Variants in TRIM37 observed in about 807,000 individuals in gnomAD.
TRIM37 encodes the protein E3 ubiquitin-protein ligase TRIM37.
TRIM37 carries 80 observed loss-of-function variants against 129.8 expected under a neutral mutation model. That is an observed-to-expected ratio of 0.62 (90% CI 0.51 to 0.74). The LOEUF (loss-of-function observed/expected upper bound fraction) is 0.74. TRIM37 is among the 30% of genes least tolerant of loss of function. The pLI is 0.00. For missense variants in TRIM37, 1,054 were observed against 1,176.5 expected (o/e 0.90, Z 1.52); for synonymous variants, 389 against 387.1 (o/e 1.00, Z -0.06).
intron 17 of TRIM37, among the ~76,000 whole-genome samples, chr17:59,038,899 T>C (rs1168501156): frequency 6.6e-6 from 1 of 152,180 alleles, no homozygotes; most frequent in African/African-American, 2.4e-5. Context: ...TGCAGCTTAC[T>C]GACTGCCAGA....
chr17:59,054,224 C>A (rs745569525), intron 13 of TRIM37, among the ~76,000 whole-genome samples: 1 of 152,126 alleles, frequency 6.6e-6, no homozygotes, highest in Non-Finnish European at 1.5e-5. Context: ...ATATTTTAAT[C>A]TTTTTTAAAT....
At chr17:59,004,862 G>A (rs1453971397) in intron 22 of TRIM37, among the ~76,000 whole-genome samples, 1 of 152,176 alleles carries the variant, frequency 6.6e-6, no homozygotes, top group East Asian at 1.9e-4. Flanking sequence ...TTTTTAAGAA[G>A]AGTTTGGTTA....
intron 16 of TRIM37, among the ~76,000 whole-genome samples, chr17:59,044,771 T>A (rs990642482): frequency 6.6e-6 from 1 of 152,168 alleles, no homozygotes; most frequent in African/African-American, 2.4e-5. Flanking sequence ...ATAAGATACT[T>A]GAGCATCCTC....
intron 22 of TRIM37, among the ~76,000 whole-genome samples, chr17:59,004,074 A>G (rs938306154): frequency 4.6e-5 from 7 of 152,022 alleles, no homozygotes; most frequent in African/African-American, 1.7e-4. Context: ...GTACCACTGT[A>G]CTCCAGCCTA....
At chr17:58,981,241 A>G, downstream of TRIM37, 3 of 526,530 alleles carry the variant, frequency 5.7e-6, no homozygotes, top group South Asian at 8.1e-5. Flanking sequence ...AAAATTACAC[A>G]GCTGGTCCCT....
chr17:59,017,313 C>G lies in TRIM37; in HGVS notation c.2369G>C (p.Cys790Ser), dbSNP rs762780507. The change falls in exon 20 of 24, where the codon TGT (cysteine) becomes TCT (serine). Residue 790 changes from cysteine (C) to serine (S), a missense_variant. By Grantham distance (112) the Cys-to-Ser change is moderately radical (BLOSUM62 -1). Transcript: ENST00000262294. Reference protein sequence around the residue: ...PGENSRSKGDCQTLSEGSPGS... With the variant: ...PGENSRSKGDSQTLSEGSPGS... The stretch of plus-strand genomic sequence containing the variant: ...AAATTTACCTTCAGACAGAGTCTGA[C>G]AGTCTCCCTTTGAACGACTATTTTC... The G allele has an allele frequency of 3.7e-6, 6 of 1,614,154 alleles. No individual in the cohort carries two copies. The Admixed American group carries it at 8.3e-5, about 22-fold the overall frequency.
chr17:58,991,867 C>T (rs2032441715), intron 24 of TRIM37, among the ~76,000 whole-genome samples: 1 of 152,086 alleles, frequency 6.6e-6, no homozygotes, highest in Admixed American at 6.6e-5. Flanking sequence ...TCAGTAAAGA[C>T]TCTACTTACC....
intron 8 of TRIM37, among the ~76,000 whole-genome samples, chr17:59,071,666 TACAC>T (rs146664956): frequency 3.3e-5 from 5 of 151,540 alleles, no homozygotes; most frequent in South Asian, 2.1e-4. Context: ...CACCCGTGTG[TACAC>T]ACACACACAC....
intron 9 of TRIM37, among the ~76,000 whole-genome samples, chr17:59,067,323 T>G (rs1224291280): frequency 2.0e-5 from 3 of 152,214 alleles, no homozygotes; most frequent in Non-Finnish European, 2.9e-5. Flanking sequence ...TGTAGACTGC[T>G]CTGGTTATGA....
At chr17:59,014,933 G>A (rs1467685839) in intron 21 of TRIM37, among the ~76,000 whole-genome samples, 1 of 151,190 alleles carries the variant, frequency 6.6e-6, no homozygotes, top group Admixed American at 6.6e-5. Context: ...AAAATCAGCT[G>A]GGCGTGGTGG....
At chr17:59,028,933 C>A (rs2037530948) in intron 18 of TRIM37, among the ~76,000 whole-genome samples, 1 of 152,144 alleles carries the variant, frequency 6.6e-6, no homozygotes, top group African/African-American at 2.4e-5. Context: ...TGAGTCACAT[C>A]ATACTCAAGT....
At chr17:59,057,247 C>T (rs1338159422) in intron 12 of TRIM37, among the ~76,000 whole-genome samples, 193 bp from the exon 13 acceptor site, 2 of 152,172 alleles carry the variant, frequency 1.3e-5, no homozygotes, top group Non-Finnish European at 2.9e-5. Context: ...TGGAGTTTCA[C>T]TCTTGTTGCC....
At chr17:59,005,669 T>C (rs1320951487) in intron 22 of TRIM37, among the ~76,000 whole-genome samples, 2 of 152,192 alleles carry the variant, frequency 1.3e-5, no homozygotes, top group Non-Finnish European at 2.9e-5. Context: ...AGACTGCATG[T>C]GGGTATTACT....
chr17:59,062,704 A>G, intron 10 of TRIM37, 56 bp from the exon 11 acceptor site: 1 of 1,464,120 alleles, frequency 6.8e-7, no homozygotes. Flanking sequence ...TGAAATGGCA[A>G]CAGGCAAAAA....
chr17:59,083,546 T>C (rs1283459378), intron 5 of TRIM37, among the ~76,000 whole-genome samples: 3 of 152,122 alleles, frequency 2.0e-5, no homozygotes, highest in Non-Finnish European at 4.4e-5. Flanking sequence ...TAGACTGTCT[T>C]TAAAAACTGC....
downstream of TRIM37, chr17:58,980,229 G>A (rs1598718714): frequency 1.9e-6 from 3 of 1,614,144 alleles, no homozygotes; most frequent in East Asian, 6.7e-5. This position sits in a 1 kb window ranked among gnomAD's most constrained non-coding sequence, Gnocchi z 4.7. Flanking sequence ...GTATTCCTGA[G>A]GGACATGAAC....
At chr17:59,037,557 C>CAAAAAAAA (rs58856834) in intron 17 of TRIM37, among the ~76,000 whole-genome samples, 17 of 74,022 alleles carry the variant, frequency 2.3e-4, no homozygotes, top group South Asian at 6.7e-4. Flanking sequence ...GACTCTGTCT[C>CAAAAAAAA]AAAAAAAAAA....
At position 59,028,727 on chromosome 17, in the gene TRIM37, CA is replaced by C. The variant is rs2037502053; in HGVS notation, c.1949-5del. 1 of 1,614,016 alleles carries C rather than the reference CA, an allele frequency of 6.2e-7. No individual in the cohort carries two copies. The highest frequency in any genetic ancestry group is 1.7e-5 in the Admixed American group (1 of 60,016). Reference sequence around the variant, plus strand: ...TTATCTTTTCGAGAATATGATGCTTCAGAGAAATTGACAAGTCATGTTAACA... The same window carrying C: ...TTATCTTTTCGAGAATATGATGCTTCGAGAAATTGACAAGTCATGTTAACA... On this transcript the variant is annotated splice_region_variant and splice_polypyrimidine_tract_variant and intron_variant, in intron 18 of 23. Transcript: ENST00000262294.
At chr17:59,051,659 T>C (rs1438669770) in intron 13 of TRIM37, among the ~76,000 whole-genome samples, 1 of 152,176 alleles carries the variant, frequency 6.6e-6, no homozygotes, top group East Asian at 1.9e-4. Context: ...CCATATACTA[T>C]GCAGTTTCCT....
Sources: gnomAD v4.1 joint callset for allele counts (sites outside exome capture counted in the v4.1 genomes callset) on GRCh38, gnomAD v4.1.1 for gene constraint, Gnocchi (gnomAD v3.1) non-coding constraint, MANE v1.5 for transcripts, NCBI Gene and HGNC (gene_info 2026-07-23, HGNC 2026-07-21) for gene names.